CCDC157: variants seen among roughly 807,000 people sequenced by gnomAD.
CCDC157 encodes coiled-coil domain-containing protein 157.
Under a neutral mutation model 70.9 loss-of-function variants are expected in CCDC157, and 60 were observed. That is an observed-to-expected ratio of 0.85 (90% CI 0.69 to 1.05). The LOEUF (loss-of-function observed/expected upper bound fraction) is 1.05, where lower values mean the gene tolerates loss of function less well. Among genes scored for constraint, CCDC157 ranks in the 50% least tolerant of loss-of-function variants. The pLI is 0.00. For synonymous variants in CCDC157, 373 were observed against 422.4 expected, an observed-to-expected ratio of 0.88 and a Z score of 1.43; for missense variants, 943 against 984.2, an observed-to-expected ratio of 0.96 and a Z score of 0.56.
intron 2 of CCDC157, among the ~76,000 whole-genome samples, chr22:30,364,575 A>G (rs1932589726): frequency 6.6e-6 from 1 of 152,192 alleles, no homozygotes; most frequent in African/African-American, 2.4e-5. Flanking sequence ...TTTGGAGGCC[A>G]AGGTGGATGG....
At position 30,362,826 on chromosome 22, in the gene CCDC157, G is replaced by A. The variant is rs191904063; in HGVS notation, c.-12+712G>A. ...GAGGGAACTCAGGAAATGCCTAGTC[G>A]AGGGCTAAGCCAGGTGCACTCAGTG... is the stretch of plus-strand genomic sequence containing the variant. On this transcript the variant is annotated intron_variant, in intron 2 of 11. Coordinates refer to ENST00000338306, the MANE Select transcript of CCDC157 (RefSeq NM_001017437.5). 2.0e-3 allele frequency among the ~76,000 whole-genome samples: 300 copies of A among 152,270 alleles called. 3 individuals carry two copies. The highest frequency in any genetic ancestry group is 6.8e-3 in the African/African-American group (283 of 41,524).
rs144543602 is a variant in CCDC157, at chr22:30,370,499, C to T, written c.594C>T (p.Phe198=). ...ESIPVRASLQ[F]PATTFKNTRS... ...TCCCTGTCAGAGCCTCCCTGCAGTT[C>T]CCAGCCACGACCTTCAAGAACACCA... is the stretch of plus-strand genomic sequence containing the variant. The change falls in exon 5 of 12, where the codon TTC becomes TTT. Residue 198 remains phenylalanine (F), a synonymous_variant. Transcript: ENST00000338306. 6.2e-7 allele frequency: 1 copy of T among 1,614,104 alleles called. No individual in the cohort carries two copies. Among genetic ancestry groups the T allele is most frequent in the Non-Finnish European group, 8.5e-7 (1 of 1,180,028 alleles).
chr22:30,365,921 T>C (rs1932691351), intron 2 of CCDC157, 69 bp from the exon 3 acceptor site: 2 of 1,421,360 alleles, frequency 1.4e-6, no homozygotes, highest in Non-Finnish European at 1.9e-6. Context: ...CAGATGAGGG[T>C]TTCAGGGAGT....
rs1359149443 is a variant in CCDC157 at position 30,376,579 on chromosome 22, C to T, written c.2093C>T (p.Ser698Phe). 1 of 1,613,098 alleles carries T rather than the reference C, an allele frequency of 6.2e-7. No individual in the cohort carries two copies. The highest frequency in any genetic ancestry group is 2.2e-5 in the East Asian group (1 of 44,754). ...SPPRQPCTSP[S>F]RQPCSQPSKS... ...CCTCGGCAGCCCTGCACATCCCCAT[C>T]TCGGCAGCCCTGCAGCCAGCCCAGC... The change falls in exon 12 of 12, where the codon TCT becomes TTT. Residue 698 changes from serine to phenylalanine, a missense_variant. By Grantham distance (155) the Ser-to-Phe change is radical. Coordinates refer to ENST00000338306, the MANE Select transcript of CCDC157 (RefSeq NM_001017437.5).
chr22:30,378,222 A>T lies in CCDC157; in HGVS notation c.*1477A>T. 1 of 468,586 alleles carries T rather than the reference A, an allele frequency of 2.1e-6. No homozygotes were observed. The highest frequency in any genetic ancestry group is 4.4e-6 in the Non-Finnish European group (1 of 225,394). 29.0% of individuals were successfully genotyped at this position (468,586 alleles called of 1,614,324 possible). On this transcript the variant is annotated 3_prime_UTR_variant, in exon 12 of 12. Transcript: ENST00000338306. ...ATCCCTGACTTCCTCCTCTTCTACC[A>T]GCAGAAAACTACTTTGAATAGGCTC...
At chr22:30,361,023 C>T (rs1304280706) in intron 1 of CCDC157, among the ~76,000 whole-genome samples, 10 of 150,986 alleles carry the variant, frequency 6.6e-5, no homozygotes, top group South Asian at 2.1e-4. Flanking sequence ...CTCCAGGCTG[C>T]GCAACAGAGC....
At chr22:30,373,886 C>T in intron 8 of CCDC157, 37 bp from the exon 9 acceptor site, 1 of 1,583,714 alleles carries the variant, frequency 6.3e-7, no homozygotes, top group Middle Eastern at 1.7e-4. Flanking sequence ...CCATGTAGCT[C>T]ACTCAGGAGC....
rs555023250 is a variant in CCDC157 at position 30,374,798 on chromosome 22, T to C, written c.1673-681T>C. 1,459 of 453,718 alleles carry C rather than the reference T, an allele frequency of 3.2e-3. 7 individuals are homozygous for C. Among genetic ancestry groups the C allele is most frequent in the Non-Finnish European group, 3.8e-3 (865 of 224,786 alleles). 28.1% of individuals were successfully genotyped at this position (453,718 alleles called of 1,614,324 possible). ...TCCTGGAGCCAGAAGGAAGCATCCA[T>C]CACAAAAGCAGGGGAAGAGCAGCCT... On this transcript the variant is annotated intron_variant, in intron 9 of 11. Coordinates refer to ENST00000338306, the MANE Select transcript of CCDC157 (RefSeq NM_001017437.5).
At chr22:30,359,916 G>A (rs1932212019) in intron 1 of CCDC157, among the ~76,000 whole-genome samples, 2 of 152,112 alleles carry the variant, frequency 1.3e-5, no homozygotes, top group Admixed American at 6.5e-5. Flanking sequence ...AGGACAAGAC[G>A]AAAAGATTGC....
intron 6 of CCDC157, 98 bp from the exon 7 acceptor site, chr22:30,371,975 ACT>A: frequency 1.2e-6 from 1 of 858,560 alleles, no homozygotes. Context: ...GTGGCTGAGG[ACT>A]CTGAGGCCCA....
rs202178544 is a variant in CCDC157 at position 30,376,578 on chromosome 22, T to C, written c.2092T>C (p.Ser698Pro). The C allele has an allele frequency of 6.2e-5, 99 of 1,607,078 alleles. No homozygotes were observed. The highest frequency in any genetic ancestry group is 3.6e-4 in the African/African-American group (26 of 71,510). ...SPPRQPCTSPSRQPCSQPSKS... is the reference protein window; with the variant it reads ...SPPRQPCTSPPRQPCSQPSKS... The stretch of plus-strand genomic sequence containing the variant: ...ACCTCGGCAGCCCTGCACATCCCCA[T>C]CTCGGCAGCCCTGCAGCCAGCCCAG... Residue 698 changes from serine to proline, a missense_variant, in exon 12 of 12, where the codon TCT becomes CCT. Ser to Pro is a moderately conservative substitution (Grantham distance 74, BLOSUM62 -1). Coordinates refer to ENST00000338306, the MANE Select transcript of CCDC157 (RefSeq NM_001017437.5).
In CCDC157 at chr22:30,361,304, G is replaced by T. The variant is rs533697094; in HGVS notation, c.-165-657G>T. Among the ~76,000 whole-genome samples, 3 of 151,248 alleles carry T rather than the reference G, an allele frequency of 2.0e-5. No homozygotes were observed. In the East Asian group the frequency reaches 5.8e-4, roughly 29 times the overall value. ...ATCTAGTAGTAATACATGAGGGAGG[G>T]CATGGATTTAGTAAGGCCTGTTTGC... is the stretch of plus-strand genomic sequence containing the variant. On this transcript the variant is annotated intron_variant, in intron 1 of 11. Transcript: ENST00000338306.
At chr22:30,374,626 G>A (rs1933207876) in intron 9 of CCDC157, 1 of 456,846 alleles carries the variant, frequency 2.2e-6, no homozygotes, top group Admixed American at 2.3e-5. Context: ...TTGCAGAGCT[G>A]GCAGGAAGAT....
chr22:30,359,883 G>A (rs751637563), intron 1 of CCDC157, among the ~76,000 whole-genome samples: 24 of 152,314 alleles, frequency 1.6e-4, no homozygotes, highest in Middle Eastern at 3.4e-3. Flanking sequence ...GGTGTCTCAC[G>A]CCTATAATCC....
chr22:30,373,675 C>T lies in CCDC157; in HGVS notation c.1414C>T (p.Leu472=), dbSNP rs1217658511. The T allele has an allele frequency of 2.6e-6, 4 of 1,555,656 alleles. No individual in the cohort carries two copies. The highest frequency in any genetic ancestry group is 1.7e-6 in the Non-Finnish European group (2 of 1,149,804). The change falls in exon 8 of 12, where the codon CTG becomes TTG. Residue 472 remains leucine, a synonymous_variant. Coordinates refer to ENST00000338306, the MANE Select transcript of CCDC157 (RefSeq NM_001017437.5). ...DQEREELRGS[L]DEAEAQRARV... ...GGAACGTGAGGAGCTGCGGGGCAGC[C>T]TGGACGAGGCTGAGGCCCAGCGGGC...
chr22:30,376,079 C>G lies in CCDC157; in HGVS notation c.1858-180C>G. ...AACCTCCCCACACTTGCTGCCTGCC[C>G]AAGGCTCTGCAGCTGAGAATAGGCC... On this transcript the variant is annotated intron_variant, in intron 10 of 11. Coordinates refer to ENST00000338306, the MANE Select transcript of CCDC157 (RefSeq NM_001017437.5). 3 of 607,248 alleles carry G rather than the reference C, an allele frequency of 4.9e-6. No individual in the cohort carries two copies. The South Asian group carries it at 6.2e-5, about 13-fold the overall frequency. The allele number at this position is 607,248 out of a possible 1,614,324, so 37.6% of individuals were successfully genotyped here.
chr22:30,369,471 GA>G lies in CCDC157; in HGVS notation c.290del (p.Asn97ThrfsTer7). On this transcript the variant is annotated frameshift_variant, in exon 4 of 12. Transcript: ENST00000338306. LOFTEE classifies it high-confidence loss of function. ...LLQSCMSYLENLGSEQMMPPA... is the reference protein window; with the variant it reads ...LLQSCMSYLEXLGSEQMMPPA... ...TTCAAAGCTGTATGAGCTACTTGGA[GA>G]ACCTTGGCTCAGAGCAGATGATGCC... The G allele has an allele frequency of 6.4e-7, 1 of 1,565,858 alleles. No homozygotes were observed. Among genetic ancestry groups the G allele is most frequent in the Non-Finnish European group, 8.7e-7 (1 of 1,154,510 alleles).
intron 2 of CCDC157, 179 bp from the exon 3 acceptor site, chr22:30,365,811 G>C (rs1038974410): frequency 6.4e-6 from 4 of 622,566 alleles, no homozygotes; most frequent in Non-Finnish European, 1.1e-5. Flanking sequence ...AGGCTGGTAA[G>C]GCCACCCAGA....
chr22:30,368,060 C>T (rs1347132026), intron 3 of CCDC157, among the ~76,000 whole-genome samples: 1 of 152,106 alleles, frequency 6.6e-6, no homozygotes, highest in African/African-American at 2.4e-5. Context: ...AACAAACAAA[C>T]AAACAAAAAA....
Sources: gnomAD v4.1 joint callset for allele counts (sites outside exome capture counted in the v4.1 genomes callset) on GRCh38, gnomAD v4.1.1 for gene constraint, MANE v1.5 for transcripts, NCBI Gene and HGNC (gene_info 2026-07-23, HGNC 2026-07-21) for gene names.